Variants in DHCR7 observed in about 807,000 individuals in gnomAD.
DHCR7 encodes 7-dehydrocholesterol reductase.
A neutral mutation model predicts 43.3 loss-of-function variants in DHCR7; 40 were observed. The ratio of observed to expected loss-of-function variants is 0.92; its 90% confidence interval spans 0.72 to 1.20. DHCR7 has a LOEUF of 1.20. DHCR7 is among the 50% of genes most tolerant of loss of function. DHCR7 has a pLI of 0.00. For synonymous variants in DHCR7, 298 were observed against 271.4 expected (o/e 1.10, Z -0.96); for missense variants, 608 against 644.6 (o/e 0.94, Z 0.62).
chr11:71,428,452 C>T, exon 3 of DHCR7: 1 of 160,170 alleles, frequency 6.2e-6, no homozygotes, highest in East Asian at 1.8e-4. Flanking sequence ...AGCTTTATAA[C>T]ATTCCATCAT....
At position 71,447,558 on chromosome 11, in the gene DHCR7, G is replaced by T. The variant is rs548247894; in HGVS notation, c.-7+52C>A. 7.2e-5 allele frequency: 11 copies of T among 152,324 alleles called. No homozygotes were observed. In the East Asian group the frequency reaches 1.9e-3, roughly 27 times the overall value. 9.4% of individuals were successfully genotyped at this position (152,324 alleles called of 1,614,324 possible). ...GGACCAGTCTGTCTGTACTTTCAAC[G>T]CTGTGAAGCCATAGCCTGCGCCCAC... On this transcript the variant is annotated intron_variant, in intron 2 of 8. Coordinates refer to ENST00000355527, the MANE Select transcript of DHCR7 (RefSeq NM_001360.3).
chr11:71,431,618 GT>G (rs1168701225), downstream of DHCR7, among the ~76,000 whole-genome samples: 1 of 152,122 alleles, frequency 6.6e-6, no homozygotes, highest in African/African-American at 2.4e-5. Flanking sequence ...GGAAGGTCTA[GT>G]TTATTAAAAA....
Position 71,441,457 on chromosome 11 carries a change from C to G in DHCR7, c.413-17G>C. The stretch of plus-strand genomic sequence containing the variant: ...TCACAACCCCTGCAGATGAAGGATT[C>G]AGAAATGAAGGCGCTTTCCCAACCC... On this transcript the variant is annotated splice_polypyrimidine_tract_variant and intron_variant, in intron 5 of 8. Transcript: ENST00000355527. 6.2e-7 allele frequency: 1 copy of G among 1,600,368 alleles called. No individual in the cohort carries two copies. Among genetic ancestry groups the G allele is most frequent in the Non-Finnish European group, 8.5e-7 (1 of 1,171,478 alleles).
At chr11:71,437,191 G>C (rs1338871424) in intron 8 of DHCR7, among the ~76,000 whole-genome samples, 2 of 152,172 alleles carry the variant, frequency 1.3e-5, no homozygotes. Flanking sequence ...TCCTGAATAG[G>C]TGACAGCCTC....
At chr11:71,438,767 T>C (rs1033866273) in intron 7 of DHCR7, 112 bp downstream of exon 7, 1 of 1,175,970 alleles carries the variant, frequency 8.5e-7, no homozygotes, top group Non-Finnish European at 1.2e-6. Flanking sequence ...GGAGGGCAGC[T>C]GACTCTCTTT....
downstream of DHCR7, among the ~76,000 whole-genome samples, chr11:71,430,738 G>A (rs191277188): frequency 6.6e-6 from 1 of 152,322 alleles, no homozygotes; most frequent in African/African-American, 2.4e-5. Flanking sequence ...GCTAGAGAGG[G>A]GCCAGGAAGG....
In DHCR7 at chr11:71,437,828, T is replaced by C. The variant is rs754992933; in HGVS notation, c.947A>G (p.Tyr316Cys). Residue 316 changes from tyrosine (Y) to cysteine (C), a missense_variant, in exon 8 of 9, where the codon TAT (tyrosine) becomes TGT (cysteine). Coordinates refer to ENST00000355527, the MANE Select transcript of DHCR7 (RefSeq NM_001360.3). ...LGWGDCVWLPYLYTLQGLYLV... is the reference protein window; with the variant it reads ...LGWGDCVWLPCLYTLQGLYLV... Reference sequence around the variant, plus strand: ...CCTCCTCACCTGCAGCGTGTAAAGATAAGGCAGCCAGACACAGTCGCCCCA... The same window carrying C: ...CCTCCTCACCTGCAGCGTGTAAAGACAAGGCAGCCAGACACAGTCGCCCCA... 1.4e-5 allele frequency: 23 copies of C among 1,613,792 alleles called. No individual in the cohort carries two copies. The highest frequency in any genetic ancestry group is 1.6e-4 in the Middle Eastern group (1 of 6,084).
chr11:71,444,846 G>T lies in DHCR7; in HGVS notation c.98+9C>A. On this transcript the variant is annotated intron_variant, in intron 3 of 8. Transcript: ENST00000355527. ...ACTTTCTAGCTGGGAGAACAGGCAA[G>T]ATCCTTACCAGGCACGGCCCCACTG... 6.2e-7 allele frequency: 1 copy of T among 1,612,592 alleles called. No individual in the cohort carries two copies. The highest frequency in any genetic ancestry group is 8.5e-7 in the Non-Finnish European group (1 of 1,178,606).
At chr11:71,435,928 A>G in intron 8 of DHCR7, 89 bp from the exon 9 acceptor site, 3 of 1,090,342 alleles carry the variant, frequency 2.8e-6, no homozygotes, top group Non-Finnish European at 2.7e-6. Flanking sequence ...CCTGGGGTCA[A>G]ACCCCAGCTC....
Position 71,439,045 on chromosome 11 carries a change from C to A in DHCR7, c.665G>T (p.Gly222Val). 1 of 1,614,048 alleles carries A rather than the reference C, an allele frequency of 6.2e-7. No individual in the cohort carries two copies. Among genetic ancestry groups the A allele is most frequent in the Non-Finnish European group, 8.5e-7 (1 of 1,180,016 alleles). The change falls in exon 7 of 9, where the codon GGC (glycine) becomes GTC (valine). Residue 222 changes from glycine (G) to valine (V), a missense_variant. Coordinates refer to ENST00000355527, the MANE Select transcript of DHCR7 (RefSeq NM_001360.3). ...TGNFFYNYMM[G>V]IEFNPRIGKW... ...CCCGATCCGAGGGTTAAACTCGATG[C>A]CCATCATGTAGTTGTAAAAGAAATT...
chr11:71,443,437 C>T (rs1479509712), intron 4 of DHCR7, among the ~76,000 whole-genome samples: 1 of 152,190 alleles, frequency 6.6e-6, no homozygotes, highest in African/African-American at 2.4e-5. Flanking sequence ...TTCAGGCAAT[C>T]AGCACCACCC....
chr11:71,427,295 G>C (rs1018376912), downstream of DHCR7, among the ~76,000 whole-genome samples: 2 of 152,004 alleles, frequency 1.3e-5, no homozygotes, highest in Non-Finnish European at 2.9e-5. Context: ...TGTAAACGTG[G>C]CACACCCATT....
At chr11:71,441,054 CCAAA>C (rs2135944350) in intron 6 of DHCR7, among the ~76,000 whole-genome samples, 169 bp downstream of exon 6, 1 of 152,330 alleles carries the variant, frequency 6.6e-6, no homozygotes, top group South Asian at 2.1e-4. Flanking sequence ...GGAGAAGCCA[CCAAA>C]CATTCAGAAA....
intron 4 of DHCR7, among the ~76,000 whole-genome samples, chr11:71,443,124 C>T (rs572653187): frequency 6.6e-6 from 1 of 152,372 alleles, no homozygotes; most frequent in East Asian, 1.9e-4. Context: ...GGCATCAGAG[C>T]TTCATTCCCT....
Position 71,435,394 on chromosome 11 carries a change from A to T in DHCR7, c.1409T>A (p.Leu470Gln), listed in dbSNP as rs1331331095. 6.2e-7 allele frequency: 1 copy of T among 1,612,334 alleles called. No homozygotes were observed. Among genetic ancestry groups the T allele is most frequent in the Admixed American group, 1.7e-5 (1 of 60,010 alleles). Residue 470 changes from leucine to glutamine, a missense_variant, in exon 9 of 9, where the codon CTG (leucine) becomes CAG (glutamine). Transcript: ENST00000355527. Reference protein sequence around the residue: ...ERYTAAVPYRLLPGIF With the variant: ...ERYTAAVPYRQLPGIF Reference sequence around the variant, plus strand: ...GTGCCCTTAGAAGATTCCAGGCAGCAGGCGGTAAGGCACTGCGGCGGTGTA... The same window carrying T: ...GTGCCCTTAGAAGATTCCAGGCAGCTGGCGGTAAGGCACTGCGGCGGTGTA...
In DHCR7 at chr11:71,444,854, C is replaced by T; in HGVS notation, c.98+1G>A. On this transcript the variant is annotated splice_donor_variant, in intron 3 of 8. Transcript: ENST00000355527. LOFTEE classifies it high-confidence loss of function. ...GCTGGGAGAACAGGCAAGATCCTTA[C>T]CAGGCACGGCCCCACTGCCCTTGAG... The T allele has an allele frequency of 6.2e-7, 1 of 1,613,752 alleles. No homozygotes were observed. The highest frequency in any genetic ancestry group is 1.1e-5 in the South Asian group (1 of 91,076).
downstream of DHCR7, among the ~76,000 whole-genome samples, chr11:71,432,349 T>A (rs75906111): frequency 5.4e-3 from 818 of 152,340 alleles, 19 homozygotes; most frequent in East Asian, 0.064. Flanking sequence ...TGATGTTAAC[T>A]TTCCTCCCTC....
intron 2 of DHCR7, among the ~76,000 whole-genome samples, chr11:71,445,575 G>A (rs1015806597): frequency 4.6e-5 from 7 of 152,156 alleles, no homozygotes; most frequent in Non-Finnish European, 8.8e-5. Flanking sequence ...TCACTAGAAT[G>A]TAAGCTTCCC....
intron 4 of DHCR7, among the ~76,000 whole-genome samples, chr11:71,443,418 T>C (rs895793850): frequency 2.0e-5 from 3 of 152,148 alleles, no homozygotes; most frequent in African/African-American, 7.2e-5. Context: ...CTGGAAACCT[T>C]TTCCTGGGTT....
Sources: allele counts gnomAD v4.1 joint callset (sites outside exome capture counted in the v4.1 genomes callset), GRCh38; gene constraint gnomAD v4.1.1; transcripts MANE v1.5; gene names NCBI Gene and HGNC (gene_info 2026-07-23, HGNC 2026-07-21).